Variants in FXYD5 observed in about 807,000 individuals in gnomAD.
The protein encoded by FXYD5 is FXYD domain containing ion transport regulator 5.
FXYD5 carries 21 observed loss-of-function variants against 25.7 expected under a neutral mutation model. The observed-to-expected ratio is 0.82, with a 90% CI of 0.58 to 1.18. The LOEUF (loss-of-function observed/expected upper bound fraction) is 1.18, where lower values mean the gene tolerates loss of function less well. Ranked by LOEUF, FXYD5 falls within the 50% of genes most tolerant of loss-of-function variation. FXYD5 has a pLI of 0.00. For missense variants in FXYD5, 229 were observed against 227.7 expected (o/e 1.01, Z -0.04); for synonymous variants, 101 against 90.7 (o/e 1.11, Z -0.64).
rs1046345 is a variant in FXYD5, at chr19:35,169,849, C to T, written c.*234C>T. ...GCTGTCCCTCAAGTTATCTCCTCTG[C>T]TAAGACAAAAAGTAAAGCACTGTGG... On this transcript the variant is annotated 3_prime_UTR_variant, in exon 9 of 9. Coordinates refer to ENST00000392219, the MANE Select transcript of FXYD5 (RefSeq NM_014164.6). The T allele has an allele frequency of 0.34, 188,224 of 550,834 alleles. 33,785 individuals are homozygous for T. The highest frequency in any genetic ancestry group is 0.38 in the Non-Finnish European group (115,173 of 305,970). 34.1% of individuals were successfully genotyped at this position (550,834 alleles called of 1,614,324 possible).
At chr19:35,167,813 G>A (rs2065464113) in intron 8 of FXYD5, among the ~76,000 whole-genome samples, 1 of 152,152 alleles carries the variant, frequency 6.6e-6, no homozygotes, top group Admixed American at 6.5e-5. Context: ...CATACAACAT[G>A]TATGTGTTGA....
At chr19:35,158,513 T>C in intron 4 of FXYD5, 113 bp downstream of exon 4, 1 of 705,622 alleles carries the variant, frequency 1.4e-6, no homozygotes, top group South Asian at 1.6e-5. Flanking sequence ...CTCCCAGCTC[T>C]GAATGCCCTG....
At chr19:35,166,450 A>G (rs1052157367) in intron 8 of FXYD5, 125 bp downstream of exon 8, 10 of 639,710 alleles carry the variant, frequency 1.6e-5, no homozygotes, top group East Asian at 2.6e-5. Context: ...CTGCATATAC[A>G]TACAAACCAC....
At chr19:35,156,965 T>C (rs1376922891) in intron 2 of FXYD5, 3 of 166,684 alleles carry the variant, frequency 1.8e-5, no homozygotes, top group South Asian at 1.5e-4. Context: ...TATCCAGCAC[T>C]GACCACATGG....
At position 35,159,424 on chromosome 19, in the gene FXYD5, T is replaced by C. The variant is rs531000430; in HGVS notation, c.199+1024T>C. The C allele has an allele frequency of 2.0e-4, 301 of 1,496,656 alleles. No individual in the cohort carries two copies. In the Middle Eastern group the frequency reaches 2.4e-3, roughly 12 times the overall value. 92.7% of individuals were successfully genotyped at this position (1,496,656 alleles called of 1,614,324 possible). ...CTTATGATTGTTCTGCAGCTTGCTT[T>C]GTTTCTTCGTGCAGTCGTATGTTTG... On this transcript the variant is annotated intron_variant, in intron 4 of 8. Coordinates refer to ENST00000392219, the MANE Select transcript of FXYD5 (RefSeq NM_014164.6).
intron 1 of FXYD5, chr19:35,155,323 T>G: frequency 1.7e-6 from 1 of 588,348 alleles, no homozygotes; most frequent in South Asian, 2.0e-5. Flanking sequence ...ATCTCATGCT[T>G]CTTGTTTTCT....
chr19:35,163,895 TC>T (rs2065427367), intron 5 of FXYD5: 1 of 1,069,758 alleles, frequency 9.3e-7, no homozygotes, highest in Non-Finnish European at 1.3e-6. Flanking sequence ...GGCCAGAAGG[TC>T]CTAGGAGAGG....
chr19:35,164,145 C>A lies in FXYD5; in HGVS notation c.293-11C>A. 6.2e-7 allele frequency: 1 copy of A among 1,613,056 alleles called. No individual in the cohort carries two copies. The highest frequency in any genetic ancestry group is 2.2e-5 in the East Asian group (1 of 44,790). Reference sequence around the variant, plus strand: ...CACTCCTGCCCTCCACTGATCTGGCCACTCTCTCAGCTCATCCCACTGATG... The same window carrying A: ...CACTCCTGCCCTCCACTGATCTGGCAACTCTCTCAGCTCATCCCACTGATG... On this transcript the variant is annotated splice_polypyrimidine_tract_variant and intron_variant, in intron 5 of 8. Transcript: ENST00000392219.
At position 35,154,802 on chromosome 19, in the gene FXYD5, G is replaced by C. The variant is rs1196613528; in HGVS notation, c.-8G>C. 6.5e-6 allele frequency: 1 copy of C among 153,584 alleles called. No homozygotes were observed. Among genetic ancestry groups the C allele is most frequent in the Admixed American group, 6.5e-5 (1 of 15,286 alleles). 9.5% of individuals were successfully genotyped at this position (153,584 alleles called of 1,614,324 possible). On this transcript the variant is annotated 5_prime_UTR_variant, in exon 1 of 9. Transcript: ENST00000392219. ...CGAGGCTGCCGGCTTAGGACCCCCA[G>C]CTCCGACGTAAGTCCCTCTCGTGCG...
Position 35,166,085 on chromosome 19 carries a change from G to A in FXYD5, c.383-57G>A, listed in dbSNP as rs1476715021. 6.7e-5 allele frequency: 104 copies of A among 1,563,528 alleles called. 1 individual carries two copies. The highest frequency in any genetic ancestry group is 1.6e-4 in the African/African-American group (12 of 73,886). Reference sequence around the variant, plus strand: ...CCCCTTTCCTGACTTTGCCATTCACGTATTCACTTCACAAACCTTTGCTGA... The same window carrying A: ...CCCCTTTCCTGACTTTGCCATTCACATATTCACTTCACAAACCTTTGCTGA... On this transcript the variant is annotated intron_variant, in intron 6 of 8. Transcript: ENST00000392219.
intron 5 of FXYD5, 172 bp from the exon 6 acceptor site, chr19:35,163,984 C>T: frequency 6.8e-7 from 1 of 1,475,038 alleles, no homozygotes; most frequent in Non-Finnish European, 9.0e-7. Flanking sequence ...CATTTCAATG[C>T]CTGTCATTAC....
At position 35,169,669 on chromosome 19, in the gene FXYD5, CTGCCAGCTCACCG is replaced by C; in HGVS notation, c.*59_*71del. 2 of 1,186,454 alleles carry C rather than the reference CTGCCAGCTCACCG, an allele frequency of 1.7e-6. No homozygotes were observed. The highest frequency in any genetic ancestry group is 2.5e-6 in the Non-Finnish European group (2 of 791,124). 73.5% of individuals were successfully genotyped at this position (1,186,454 alleles called of 1,614,324 possible). On this transcript the variant is annotated 3_prime_UTR_variant, in exon 9 of 9. Coordinates refer to ENST00000392219, the MANE Select transcript of FXYD5 (RefSeq NM_014164.6). Reference sequence around the variant, plus strand: ...GCTGGGCACCCGAAGACCAAGCCCCCTGCCAGCTCACCGTGCCCAGCCTCCTGCATCCCCTCGA... The same window carrying C: ...GCTGGGCACCCGAAGACCAAGCCCCCTGCCCAGCCTCCTGCATCCCCTCGA...
At chr19:35,160,882 C>T in intron 5 of FXYD5, 81 bp downstream of exon 5, 1 of 844,872 alleles carries the variant, frequency 1.2e-6, no homozygotes, top group Non-Finnish European at 2.0e-6. Context: ...CAGTACGTTT[C>T]TCAGTGCCCC....
intron 4 of FXYD5, among the ~76,000 whole-genome samples, chr19:35,160,228 A>C (rs962658866): frequency 6.6e-6 from 1 of 152,066 alleles, no homozygotes; most frequent in African/African-American, 2.4e-5. Flanking sequence ...TAAAAGTAAA[A>C]ATAAAAGTTC....
At chr19:35,164,319 G>T (rs2065432580) in intron 6 of FXYD5, 74 bp downstream of exon 6, 1 of 1,431,416 alleles carries the variant, frequency 7.0e-7, no homozygotes, top group African/African-American at 1.4e-5. Flanking sequence ...CTGGAGTACA[G>T]CCCAGCACAG....
At chr19:35,162,336 C>G (rs899317715) in intron 5 of FXYD5, among the ~76,000 whole-genome samples, 4 of 152,216 alleles carry the variant, frequency 2.6e-5, no homozygotes, top group Admixed American at 1.3e-4. Context: ...CTCAAAACTT[C>G]CAGACTTCAC....
intron 1 of FXYD5, 101 bp from the exon 2 acceptor site, chr19:35,155,450 T>G (rs1314990649): frequency 8.3e-6 from 8 of 963,294 alleles, no homozygotes; most frequent in Non-Finnish European, 3.3e-6. Flanking sequence ...AAGCCAGAGG[T>G]TTTTGCTCAG....
rs758717714 is a variant in FXYD5, at chr19:35,166,279, G to A, written c.441G>A (p.Leu147=). Residue 147 remains leucine, a synonymous_variant, in exon 8 of 9, where the codon CTG becomes CTA. Coordinates refer to ENST00000392219, the MANE Select transcript of FXYD5 (RefSeq NM_014164.6). ...AACACACCCTCCGGAAACGGGGGCT[G>A]TTGGTCGCAGCTGTGCTGTTCATCA... ...YDEHTLRKRG[L]LVAAVLFITG... is the part of the protein sequence containing the mutation. 1.9e-6 allele frequency: 3 copies of A among 1,609,350 alleles called. No homozygotes were observed. The South Asian group carries it at 3.3e-5, about 18-fold the overall frequency.
intron 5 of FXYD5, among the ~76,000 whole-genome samples, chr19:35,163,174 T>A (rs1180600745): frequency 6.6e-6 from 1 of 152,244 alleles, no homozygotes; most frequent in Non-Finnish European, 1.5e-5. Context: ...CGCATTCCTG[T>A]GGTCTCTGCC....
Sources: allele counts gnomAD v4.1 joint callset (sites outside exome capture counted in the v4.1 genomes callset), GRCh38; gene constraint gnomAD v4.1.1; transcripts MANE v1.5; gene names NCBI Gene and HGNC (gene_info 2026-07-23, HGNC 2026-07-21).